Variants in NAV3 observed in about 807,000 individuals in gnomAD.
The protein encoded by NAV3 is pore membrane and/or filament interacting like protein 1.
NAV3 carries 87 observed loss-of-function variants against 244.7 expected under a neutral mutation model. The ratio of observed to expected loss-of-function variants is 0.36; its 90% CI spans 0.30 to 0.42. The LOEUF (loss-of-function observed/expected upper bound fraction) is 0.42, where lower values mean the gene tolerates loss of function less well. Ranked by LOEUF, NAV3 falls within the 20% of genes least tolerant of loss-of-function variation. NAV3 has a pLI of 1.00. For synonymous variants in NAV3, 1,126 were observed against 1,042.2 expected (o/e 1.08, Z -1.55); for missense variants, 2,663 against 2,893.3 (o/e 0.92, Z 1.83).
intron 18 of NAV3, among the ~76,000 whole-genome samples, chr12:78,132,193 A>G (rs1956194235): frequency 6.6e-6 from 1 of 151,512 alleles, no homozygotes; most frequent in East Asian, 1.9e-4. Context: ...ATTTTATTAC[A>G]TAGTTTTCAG....
At chr12:78,149,275 T>G (rs1956982886) in intron 22 of NAV3, among the ~76,000 whole-genome samples, 1 of 152,098 alleles carries the variant, frequency 6.6e-6, no homozygotes, top group African/African-American at 2.4e-5. Context: ...GATAAAATAT[T>G]CCTGTGCCCA....
chr12:77,955,660 A>G (rs2137732348), intron 3 of NAV3, among the ~76,000 whole-genome samples: 1 of 152,226 alleles, frequency 6.6e-6, no homozygotes, highest in South Asian at 2.1e-4. Context: ...ACTTGAGGTC[A>G]GGAGTCCAAG....
At chr12:77,712,889 A>C (rs780917185) in intron 2 of NAV3, among the ~76,000 whole-genome samples, 6 of 152,182 alleles carry the variant, frequency 3.9e-5, no homozygotes, top group Non-Finnish European at 8.8e-5. Flanking sequence ...CATTTTACAG[A>C]TCACACTCCA....
At chr12:77,616,262 C>T (rs1338299943) in intron 2 of NAV3, among the ~76,000 whole-genome samples, 6 of 151,928 alleles carry the variant, frequency 3.9e-5, no homozygotes, top group Admixed American at 3.9e-4. Flanking sequence ...CAAAAATTAG[C>T]CAGGCATGGT....
At chr12:77,859,885 A>G (rs1879002893) in intron 1 of NAV3, among the ~76,000 whole-genome samples, 1 of 151,300 alleles carries the variant, frequency 6.6e-6, no homozygotes, top group African/African-American at 2.4e-5. Context: ...CATAATTCTC[A>G]TTTTTTAATT....
At chr12:77,627,815 G>T (rs1478723006) in intron 2 of NAV3, among the ~76,000 whole-genome samples, 2 of 152,024 alleles carry the variant, frequency 1.3e-5, no homozygotes, top group Non-Finnish European at 2.9e-5. Context: ...AAGAAAATGT[G>T]GTATATATAT....
chr12:77,746,914 T>C (rs1868576678), intron 2 of NAV3, among the ~76,000 whole-genome samples: 1 of 152,164 alleles, frequency 6.6e-6, no homozygotes, highest in Non-Finnish European at 1.5e-5. Context: ...TCAATAGTTA[T>C]TAAAATGCAA....
chr12:78,119,349 G>T lies in NAV3; in HGVS notation c.3153G>T (p.Lys1051Asn), dbSNP rs772095958. Reference sequence around the variant, plus strand: ...AAAGCAGTGGAGATGAAGGGAAAAAGCCCCCCTCAGGCATTGGAAGATCGA... The same window carrying T: ...AAAGCAGTGGAGATGAAGGGAAAAATCCCCCCTCAGGCATTGGAAGATCGA... ...AGKSSGDEGK[K>N]PPSGIGRSTA... The change falls in exon 15 of 40, where the codon AAG becomes AAT. Residue 1051 changes from lysine (K) to asparagine (N), a missense_variant. Physicochemically the swap from Lys to Asn is moderately conservative, Grantham distance 94. Around this residue, in one of 6 missense-constraint regions of NAV3, gnomAD observed 1,521 missense variants for 1,497.0 expected, o/e 1.02. Coordinates refer to ENST00000397909, the MANE Select transcript of NAV3 (RefSeq NM_001024383.2). 6.2e-6 allele frequency: 10 copies of T among 1,614,092 alleles called. No individual in the cohort carries two copies. The highest frequency in any genetic ancestry group is 8.5e-6 in the Non-Finnish European group (10 of 1,180,010).
At chr12:78,135,611 T>C (rs757830233) in intron 18 of NAV3, among the ~76,000 whole-genome samples, 71 of 151,720 alleles carry the variant, frequency 4.7e-4, no homozygotes, top group Non-Finnish European at 9.9e-4. Flanking sequence ...TTCATTAATT[T>C]AAACAAGAGT....
At chr12:78,002,101 G>A (rs575105998) in intron 7 of NAV3, among the ~76,000 whole-genome samples, 2 of 152,148 alleles carry the variant, frequency 1.3e-5, no homozygotes, top group African/African-American at 4.8e-5. Context: ...GTTACCTTAA[G>A]AAATCATTCT....
chr12:78,105,981 T>C (rs1954782611), intron 12 of NAV3, among the ~76,000 whole-genome samples: 1 of 151,496 alleles, frequency 6.6e-6, no homozygotes, highest in African/African-American at 2.4e-5. Context: ...TTTATAATGC[T>C]TTTTCTGAAG....
In NAV3 at chr12:77,637,780, A is replaced by C. The variant is rs1872219917; in HGVS notation, c.72+65514A>C. ...TCAGTATTCTTATTTTAAATGTATTACATTATGTTTCATAATGTTATGTGT... is the reference window on the plus strand; with the variant it reads ...TCAGTATTCTTATTTTAAATGTATTCCATTATGTTTCATAATGTTATGTGT... On this transcript the variant is annotated intron_variant, in intron 2 of 8. Coordinates refer to the NAV3 transcript ENST00000550042. Among the ~76,000 whole-genome samples the C allele has an allele frequency of 2.0e-5, 3 of 152,206 alleles. No individual in the cohort carries two copies. The South Asian group carries it at 6.2e-4, about 32-fold the overall frequency.
rs111579406 is a variant in NAV3 at position 77,968,003 on chromosome 12, G to A, written c.488-516G>A. ...CATAAATATGTATAAATGAGTTGGT[G>A]AGTGGGTGATTTAGAAAGAAAGTTG... On this transcript the variant is annotated intron_variant, in intron 4 of 39. Coordinates refer to ENST00000397909, the MANE Select transcript of NAV3 (RefSeq NM_001024383.2). Among the ~76,000 whole-genome samples, 390 of 152,270 alleles carry A rather than the reference G, an allele frequency of 2.6e-3. 3 individuals carry two copies. The highest frequency in any genetic ancestry group is 8.4e-3 in the African/African-American group (350 of 41,546).
intron 12 of NAV3, among the ~76,000 whole-genome samples, chr12:78,084,311 C>T (rs1259447502): frequency 6.6e-6 from 1 of 152,136 alleles, no homozygotes; most frequent in Non-Finnish European, 1.5e-5. Flanking sequence ...ACATTTATAT[C>T]AGCCTTACCT....
chr12:78,176,559 A>G (rs1958236064), intron 26 of NAV3, 100 bp downstream of exon 26: 1 of 1,081,798 alleles, frequency 9.2e-7, no homozygotes, highest in African/African-American at 1.6e-5. Flanking sequence ...TACCTTTTAA[A>G]ACAGATTACC....
chr12:77,888,948 A>G (rs1318052142), intron 1 of NAV3, among the ~76,000 whole-genome samples: 1 of 152,178 alleles, frequency 6.6e-6, no homozygotes, highest in African/African-American at 2.4e-5. Context: ...ATTTTAGGAC[A>G]GATTTGGTCA....
chr12:77,989,580 A>G (rs976550871), intron 5 of NAV3, among the ~76,000 whole-genome samples: 33 of 152,212 alleles, frequency 2.2e-4, no homozygotes, highest in Non-Finnish European at 1.2e-4. Flanking sequence ...ACTTTTGACT[A>G]GGTGCCTCTT....
chr12:77,578,019 T>C (rs1426295478), intron 2 of NAV3, among the ~76,000 whole-genome samples: 2 of 152,174 alleles, frequency 1.3e-5, no homozygotes, highest in Non-Finnish European at 2.9e-5. Context: ...TTGATTCTAG[T>C]TCAGGAATAT....
chr12:77,905,277 A>G (rs1344743191), intron 1 of NAV3, among the ~76,000 whole-genome samples: 2 of 152,128 alleles, frequency 1.3e-5, no homozygotes, highest in East Asian at 3.9e-4. Context: ...TACTAGCAGT[A>G]TTTAAGTGGG....
Sources: allele counts gnomAD v4.1 joint callset (sites outside exome capture counted in the v4.1 genomes callset), GRCh38; gene constraint gnomAD v4.1.1; regional missense constraint gnomAD v4.1.1; transcripts MANE v1.5; gene names NCBI Gene and HGNC (gene_info 2026-07-23, HGNC 2026-07-21).